The following SH3RF2 variants were observed in gnomAD, a reference collection of about 807,000 sequenced individuals.
SH3RF2 encodes E3 ubiquitin-protein ligase SH3RF2.
In SH3RF2, 43 loss-of-function variants were observed where a neutral mutation model predicts 59.0. The ratio of observed to expected loss-of-function variants is 0.73; its 90% CI spans 0.57 to 0.94. SH3RF2 has a LOEUF of 0.94. Ranked by LOEUF, SH3RF2 falls within the 40% of genes least tolerant of loss-of-function variation. The pLI is 0.00. For synonymous variants in SH3RF2, 391 were observed against 391.5 expected (o/e 1.00, Z 0.01); for missense variants, 930 against 940.1 (o/e 0.99, Z 0.14).
At chr5:145,981,825 C>A (rs1213899310) in intron 2 of SH3RF2, among the ~76,000 whole-genome samples, 1 of 152,190 alleles carries the variant, frequency 6.6e-6, no homozygotes, top group East Asian at 1.9e-4. Flanking sequence ...CTGTATTGGA[C>A]AGCATAGAAT....
At chr5:145,959,641 G>T (rs1425348537) in intron 2 of SH3RF2, among the ~76,000 whole-genome samples, 1 of 149,520 alleles carries the variant, frequency 6.7e-6, no homozygotes, top group Non-Finnish European at 1.5e-5. Context: ...GTGTGTGTGT[G>T]TGTGTGTATG....
intron 2 of SH3RF2, among the ~76,000 whole-genome samples, chr5:145,956,324 T>A (rs1180501097): frequency 6.6e-6 from 1 of 152,202 alleles, no homozygotes; most frequent in East Asian, 1.9e-4. Context: ...CACCCAGGCC[T>A]GACTGCAGTG....
chr5:145,953,774 C>A (rs1462116151), intron 2 of SH3RF2, among the ~76,000 whole-genome samples: 1 of 152,186 alleles, frequency 6.6e-6, no homozygotes, highest in African/African-American at 2.4e-5. Flanking sequence ...GTGTTCTCAT[C>A]ATTTAGCTCC....
intron 5 of SH3RF2, among the ~76,000 whole-genome samples, chr5:146,029,487 C>A (rs1181402302): frequency 1.3e-5 from 2 of 152,136 alleles, no homozygotes; most frequent in African/African-American, 2.4e-5. Context: ...GTTTGCCATC[C>A]CCACATAGGC....
intron 5 of SH3RF2, among the ~76,000 whole-genome samples, chr5:146,026,059 A>G (rs1328321905): frequency 6.6e-6 from 1 of 152,208 alleles, no homozygotes; most frequent in Non-Finnish European, 1.5e-5. Flanking sequence ...CAAACGTTTT[A>G]AAATCTAAAT....
chr5:146,024,473 G>T (rs920734649), intron 5 of SH3RF2, among the ~76,000 whole-genome samples: 2 of 152,054 alleles, frequency 1.3e-5, no homozygotes, highest in African/African-American at 4.8e-5. Flanking sequence ...TTCAAGTCCC[G>T]TATCAGTTAT....
chr5:146,028,931 A>T (rs1761641562), intron 5 of SH3RF2, among the ~76,000 whole-genome samples: 1 of 152,226 alleles, frequency 6.6e-6, no homozygotes, highest in South Asian at 2.1e-4. Flanking sequence ...GGAGAAGCTG[A>T]AAGGACCTGT....
At chr5:145,994,739 AC>A (rs1448178141) in intron 2 of SH3RF2, among the ~76,000 whole-genome samples, 1 of 152,154 alleles carries the variant, frequency 6.6e-6, no homozygotes, top group Non-Finnish European at 1.5e-5. Context: ...ACACAGCCAA[AC>A]CATATCATTT....
At chr5:146,028,529 G>A (rs984196460) in intron 5 of SH3RF2, among the ~76,000 whole-genome samples, 8 of 152,188 alleles carry the variant, frequency 5.3e-5, no homozygotes, top group African/African-American at 1.4e-4. Context: ...TTGTTGCGGC[G>A]GCCGCCCTGG....
chr5:145,942,580 A>T (rs1274564858), intron 2 of SH3RF2, among the ~76,000 whole-genome samples: 2 of 152,206 alleles, frequency 1.3e-5, no homozygotes, highest in Non-Finnish European at 2.9e-5. Context: ...TAGAGCTGTG[A>T]TACAGACAGT....
intron 8 of SH3RF2, among the ~76,000 whole-genome samples, chr5:146,059,186 A>G (rs1762790454): frequency 6.6e-6 from 1 of 152,198 alleles, no homozygotes. Context: ...ATCCTCTGTC[A>G]TGAGACATTG....
At chr5:145,994,748 T>C (rs901251433) in intron 2 of SH3RF2, among the ~76,000 whole-genome samples, 3 of 152,150 alleles carry the variant, frequency 2.0e-5, no homozygotes, top group Non-Finnish European at 4.4e-5. Flanking sequence ...AACCATATCA[T>C]TTTCTGATCC....
intron 5 of SH3RF2, among the ~76,000 whole-genome samples, chr5:146,029,842 T>G (rs891153082): frequency 6.6e-6 from 1 of 152,218 alleles, no homozygotes; most frequent in Non-Finnish European, 1.5e-5. Context: ...TTGACCATTT[T>G]CTTTCATCAA....
chr5:145,994,626 C>G (rs1349924073), intron 2 of SH3RF2, among the ~76,000 whole-genome samples: 1 of 152,194 alleles, frequency 6.6e-6, no homozygotes, highest in Non-Finnish European at 1.5e-5. Flanking sequence ...CTTTTATTCA[C>G]AATCATGAGA....
At chr5:146,053,540 T>C (rs993144312) in intron 7 of SH3RF2, among the ~76,000 whole-genome samples, 1 of 151,052 alleles carries the variant, frequency 6.6e-6, no homozygotes, top group Non-Finnish European at 1.5e-5. Flanking sequence ...CTCTTGGGAT[T>C]TGGAAACTTG....
At chr5:146,043,050 C>G (rs1358848935) in intron 5 of SH3RF2, 1 of 152,236 alleles carries the variant, frequency 6.6e-6, no homozygotes, top group African/African-American at 2.4e-5. Flanking sequence ...GCTGGGCCTC[C>G]TTCTTCGATC....
At chr5:146,058,950 G>C (rs1197508110) in intron 8 of SH3RF2, among the ~76,000 whole-genome samples, 1 of 151,580 alleles carries the variant, frequency 6.6e-6, no homozygotes, top group Non-Finnish European at 1.5e-5. Flanking sequence ...TGCATTTTTA[G>C]GATATGTGAT....
chr5:145,971,223 T>C (rs1049087153), intron 2 of SH3RF2, among the ~76,000 whole-genome samples: 1 of 152,214 alleles, frequency 6.6e-6, no homozygotes, highest in African/African-American at 2.4e-5. Flanking sequence ...CCCTTGGGCT[T>C]GGAAACTCTT....
chr5:146,008,823 T>C (rs952985424), intron 4 of SH3RF2, among the ~76,000 whole-genome samples: 2 of 152,170 alleles, frequency 1.3e-5, no homozygotes, highest in African/African-American at 2.4e-5. Flanking sequence ...CAACCACCAA[T>C]CTGTTTTCTG....
Sources: gnomAD v4.1 joint callset for allele counts (sites outside exome capture counted in the v4.1 genomes callset) on GRCh38, gnomAD v4.1.1 for gene constraint, MANE v1.5 for transcripts, NCBI Gene and HGNC (gene_info 2026-07-23, HGNC 2026-07-21) for gene names.